Variants in SHE observed in about 807,000 individuals in gnomAD.
SHE encodes Src homology 2 domain containing E.
In SHE, 11 loss-of-function variants were observed where a neutral mutation model predicts 49.8. The ratio of observed to expected loss-of-function variants is 0.22; its 90% CI spans 0.14 to 0.37. The LOEUF is 0.37. Among genes scored for constraint, SHE ranks in the 10% least tolerant of loss-of-function variants. The pLI is 1.00. For missense variants in SHE, 624 were observed against 655.5 expected, an observed-to-expected ratio of 0.95 and a Z score of 0.52; for synonymous variants, 310 against 278.1, an observed-to-expected ratio of 1.11 and a Z score of -1.14.
intron 2 of SHE, among the ~76,000 whole-genome samples, chr1:154,491,968 C>T (rs548949522): frequency 1.3e-5 from 2 of 151,930 alleles, no homozygotes; most frequent in Non-Finnish European, 2.9e-5. Flanking sequence ...ACCGCAGGGC[C>T]GCAGACACAA....
At chr1:154,492,748 G>C (rs962974199) in intron 2 of SHE, among the ~76,000 whole-genome samples, 5 of 152,196 alleles carry the variant, frequency 3.3e-5, no homozygotes, top group African/African-American at 1.2e-4. Flanking sequence ...GGAGTTCAAA[G>C]GATGAATATA....
At chr1:154,499,337 G>T in intron 1 of SHE, 99 bp from the exon 2 acceptor site, 1 of 1,374,536 alleles carries the variant, frequency 7.3e-7, no homozygotes, top group Non-Finnish European at 9.8e-7. Context: ...TATCCAAGGA[G>T]GTCAAAATCT....
Position 154,486,023 on chromosome 1 carries a change from ACT to A in SHE, c.1219_1220del (p.Arg408ThrfsTer14). 6.2e-7 allele frequency: 1 copy of A among 1,613,810 alleles called. No individual in the cohort carries two copies. On this transcript the variant is annotated frameshift_variant, in exon 5 of 6. Coordinates refer to ENST00000304760, the MANE Select transcript of SHE (RefSeq NM_001010846.3). LOFTEE classifies it high-confidence loss of function. ...HGAISRAEAE[S>X]RLQPCKEAGY... ...CAGCTTCTTTGCAGGGCTGTAGTCG[ACT>A]CTCAGCCTCAGCACGGCTGATGGCA...
At chr1:154,474,771 CTA>C (rs1207290281), downstream of SHE, among the ~76,000 whole-genome samples, 1 of 152,150 alleles carries the variant, frequency 6.6e-6, no homozygotes, top group Non-Finnish European at 1.5e-5. Context: ...TCCCAAAGTG[CTA>C]TTACAGGCGT....
rs180981517 is a variant in SHE, at chr1:154,470,328, T to C, written c.*13A>G. On this transcript the variant is annotated 3_prime_UTR_variant, in exon 2 of 2. Coordinates refer to the SHE transcript ENST00000486773. ...TTAGGATGACATGGTTACGGTGCTC[T>C]TTCCAGAAGAACTTAGGAGAGCAGA... 1.6e-3 allele frequency: 2,114 copies of C among 1,289,192 alleles called. 5 individuals are homozygous for C. The highest frequency in any genetic ancestry group is 1.9e-3 in the Non-Finnish European group (1,904 of 988,692). 79.9% of individuals were successfully genotyped at this position (1,289,192 alleles called of 1,614,324 possible). A position where few individuals can be genotyped will look rare whatever the true frequency, so the allele number is the denominator to read the frequency against.
rs188277002 is a variant in SHE, at chr1:154,499,864, T to C, written c.592-626A>G. ...TGACTGTCACAGGCTACAGACCAGA[T>C]AGGGTTTTGATCCCTATCTGGGATC... On this transcript the variant is annotated intron_variant, in intron 1 of 5. Transcript: ENST00000304760. 1.4e-3 allele frequency among the ~76,000 whole-genome samples: 206 copies of C among 152,238 alleles called. 1 individual carries two copies. The highest frequency in any genetic ancestry group is 8.2e-3 in the Admixed American group (125 of 15,296).
rs1260774035 is a variant in SHE at position 154,482,770 on chromosome 1, T to C, written c.*1379A>G. ...TCCTAATACTATGAATCTTAAGTAATGGTATTTAAGAGAAAACCTCTAGGT... is the reference window on the plus strand; with the variant it reads ...TCCTAATACTATGAATCTTAAGTAACGGTATTTAAGAGAAAACCTCTAGGT... On this transcript the variant is annotated 3_prime_UTR_variant, in exon 6 of 6. Coordinates refer to ENST00000304760, the MANE Select transcript of SHE (RefSeq NM_001010846.3). The C allele has an allele frequency of 8.1e-6, 8 of 985,014 alleles. No individual in the cohort carries two copies. Among genetic ancestry groups the C allele is most frequent in the Non-Finnish European group, 9.6e-6 (8 of 829,638 alleles). The allele number at this position is 985,014 out of a possible 1,614,324, so 61.0% of individuals were successfully genotyped here.
At chr1:154,492,719 G>C (rs1481313090) in intron 2 of SHE, among the ~76,000 whole-genome samples, 1 of 152,202 alleles carries the variant, frequency 6.6e-6, no homozygotes, top group South Asian at 2.1e-4. Context: ...ACTAAGAAAA[G>C]GGAAGCAGAA....
rs1553190340 is a variant in SHE, at chr1:154,480,913, A to AC, written c.*3235_*3236insG. On this transcript the variant is annotated 3_prime_UTR_variant, in exon 6 of 6. Transcript: ENST00000304760. ...ACTTGTCCAGTCATCGCAAGCAAGT[A>AC]TTTTTTTTAAAGAAGGTGTGATCAA... 1.0e-6 allele frequency: 1 copy of AC among 985,178 alleles called. No individual in the cohort carries two copies. Among genetic ancestry groups the AC allele is most frequent in the African/African-American group, 1.7e-5 (1 of 57,290 alleles). The allele number at this position is 985,178 out of a possible 1,614,324, so 61.0% of individuals were successfully genotyped here. A position where few individuals can be genotyped will look rare whatever the true frequency, so the allele number is the denominator to read the frequency against.
intron 2 of SHE, among the ~76,000 whole-genome samples, chr1:154,492,696 A>G (rs1692404618): frequency 6.6e-6 from 1 of 152,176 alleles, no homozygotes; most frequent in African/African-American, 2.4e-5. Flanking sequence ...TTTAAAAGGA[A>G]CTTTTCTAAA....
rs1188670253 is a variant in SHE at position 154,480,549 on chromosome 1, G to A, written c.*3600C>T. ...CAAAAACTCCTGGCTGCCCCTATCA[G>A]CTACCTGCCCACCTCCCCATCCTGC... On this transcript the variant is annotated 3_prime_UTR_variant, in exon 6 of 6. Transcript: ENST00000304760. 1 of 985,320 alleles carries A rather than the reference G, an allele frequency of 1.0e-6. No individual in the cohort carries two copies. The highest frequency in any genetic ancestry group is 6.2e-5 in the Admixed American group (1 of 16,238). 61.0% of individuals were successfully genotyped at this position (985,320 alleles called of 1,614,324 possible).
In SHE at chr1:154,489,164, T is replaced by G. The variant is rs752860442; in HGVS notation, c.911A>C (p.Glu304Ala). The G allele has an allele frequency of 6.2e-7, 1 of 1,614,150 alleles. No individual in the cohort carries two copies. Among genetic ancestry groups the G allele is most frequent in the Non-Finnish European group, 8.5e-7 (1 of 1,180,018 alleles). ...YEPAEGGPRA[E>A]GKARPPDSRL... Reference sequence around the variant, plus strand: ...GCTGTCTGGGGGCCGCGCCTTCCCCTCTGCCCTGGGCCCCCCTTCTGCAGG... The same window carrying G: ...GCTGTCTGGGGGCCGCGCCTTCCCCGCTGCCCTGGGCCCCCCTTCTGCAGG... The change falls in exon 3 of 6, where the codon GAG (glutamate) becomes GCG (alanine). Residue 304 changes from glutamate to alanine, a missense_variant. Glu to Ala is a moderately radical substitution (Grantham distance 107, BLOSUM62 -1). Transcript: ENST00000304760.
intron 2 of SHE, among the ~76,000 whole-genome samples, chr1:154,498,467 G>A (rs1173524062): frequency 3.3e-5 from 5 of 149,416 alleles, no homozygotes. Context: ...GCGCAATCTT[G>A]GCTTGTTGCA....
chr1:154,498,579 G>T (rs551611698), intron 2 of SHE, among the ~76,000 whole-genome samples: 17 of 151,264 alleles, frequency 1.1e-4, no homozygotes, highest in Non-Finnish European at 2.5e-4. Flanking sequence ...TGTATTTTTA[G>T]TAGAGATGGG....
rs1692048599 is a variant in SHE at position 154,482,519 on chromosome 1, T to C, written c.*1630A>G. On this transcript the variant is annotated 3_prime_UTR_variant, in exon 6 of 6. Transcript: ENST00000304760. ...AAAAATTAACCAAATCAACATTTTG[T>C]GTGTATTTATAAGCTACAAAGGTTA... 1.0e-6 allele frequency: 1 copy of C among 985,306 alleles called. No homozygotes were observed. Among genetic ancestry groups the C allele is most frequent in the African/African-American group, 1.7e-5 (1 of 57,248 alleles). 61.0% of individuals were successfully genotyped at this position (985,306 alleles called of 1,614,324 possible). A position where few individuals can be genotyped will look rare whatever the true frequency, so the allele number is the denominator to read the frequency against.
chr1:154,479,131 T>C (rs1251164022), downstream of SHE, among the ~76,000 whole-genome samples: 3 of 152,286 alleles, frequency 2.0e-5, no homozygotes, highest in African/African-American at 7.2e-5. Flanking sequence ...CATGGGACAT[T>C]TGTATTAATA....
In SHE at chr1:154,481,839, C is replaced by T; in HGVS notation, c.*2310G>A. The stretch of plus-strand genomic sequence containing the variant: ...TCTATCAGTATCTGAAAAAAACATT[C>T]CTTTTGGTTTTTTGTTTGCTTGCTT... On this transcript the variant is annotated 3_prime_UTR_variant, in exon 6 of 6. Transcript: ENST00000304760. The T allele has an allele frequency of 1.0e-6, 1 of 970,902 alleles. No individual in the cohort carries two copies. The highest frequency in any genetic ancestry group is 1.2e-6 in the Non-Finnish European group (1 of 816,780). 60.1% of individuals were successfully genotyped at this position (970,902 alleles called of 1,614,324 possible).
rs142905292 is a variant in SHE, at chr1:154,486,662, C to G, written c.1046G>C (p.Arg349Pro). 1.2e-6 allele frequency: 2 copies of G among 1,614,110 alleles called. No homozygotes were observed. Among genetic ancestry groups the G allele is most frequent in the East Asian group, 4.5e-5 (2 of 44,892 alleles). Reference sequence around the variant, plus strand: ...CACTGTCTCCTCCCTGAAGGAAGGTCGCTCAGCTCCTTCAAACTGGACTGG... The same window carrying G: ...CACTGTCTCCTCCCTGAAGGAAGGTGGCTCAGCTCCTTCAAACTGGACTGG... ...ALSVQFEGAE[R>P]PSFREETVRQ... The change falls in exon 4 of 6, where the codon CGA becomes CCA. Residue 349 changes from arginine to proline, a missense_variant. Around this residue, in one of 4 missense-constraint regions of SHE, gnomAD observed 125 missense variants for 181.7 expected, o/e 0.69. Transcript: ENST00000304760.
rs776246145 is a variant in SHE at position 154,501,726 on chromosome 1, T to G, written c.301A>C (p.Ser101Arg). 12 of 1,596,936 alleles carry G rather than the reference T, an allele frequency of 7.5e-6. No homozygotes were observed. The South Asian group carries it at 1.2e-4, about 16-fold the overall frequency. Residue 101 changes from serine to arginine, a missense_variant, in exon 1 of 6, where the codon AGC becomes CGC. Ser to Arg is a moderately radical substitution (Grantham distance 110). Around this residue, in one of 4 missense-constraint regions of SHE, gnomAD observed 337 missense variants for 306.0 expected, o/e 1.10. Coordinates refer to ENST00000304760, the MANE Select transcript of SHE (RefSeq NM_001010846.3). ...SGRAGVGPKD[S>R]RLSRDSLQGL... Reference sequence around the variant, plus strand: ...TGCAGGCTGTCGCGGGACAGCCGGCTGTCCTTGGGGCCGACGCCGGCCCTG... The same window carrying G: ...TGCAGGCTGTCGCGGGACAGCCGGCGGTCCTTGGGGCCGACGCCGGCCCTG...
Sources: gnomAD v4.1 joint callset for allele counts (sites outside exome capture counted in the v4.1 genomes callset) on GRCh38, gnomAD v4.1.1 for gene constraint, gnomAD v4.1.1 regional missense constraint, MANE v1.5 for transcripts, NCBI Gene and HGNC (gene_info 2026-07-23, HGNC 2026-07-21) for gene names.